Variants in ARHGAP30 observed in about 807,000 individuals in gnomAD.
ARHGAP30 encodes Rho GTPase activating protein 30.
ARHGAP30 carries 23 observed loss-of-function variants against 72.0 expected under a neutral mutation model. The observed-to-expected ratio is 0.32, with a 90% confidence interval of 0.23 to 0.45. The LOEUF is 0.45. ARHGAP30 is among the 20% of genes least tolerant of loss of function. The pLI, the probability that ARHGAP30 is intolerant of heterozygous loss-of-function variation, is 1.00. For missense variants in ARHGAP30, 1,319 were observed against 1,383.4 expected, an observed-to-expected ratio of 0.95 and a Z score of 0.74; for synonymous variants, 576 against 528.2, an observed-to-expected ratio of 1.09 and a Z score of -1.24.
Position 161,048,109 on chromosome 1 carries a change from A to G in ARHGAP30, c.2912T>C (p.Leu971Pro), listed in dbSNP as rs758788224. ...PANPCPRPGR[L>P]DGTPGERAWG... is the part of the protein sequence containing the mutation. ...AGCCCTTTCTCCAGGAGTCCCATCA[A>G]GCCGGCCAGGCCTCGGGCATGGATT... The change falls in exon 12 of 12, where the codon CTT (leucine) becomes CCT (proline). Residue 971 changes from leucine (L) to proline (P), a missense_variant. This residue lies in a region of ARHGAP30 where 1,097 missense variants were observed against 1,045.2 expected (regional missense o/e 1.05). Transcript: ENST00000368013. 14 of 1,614,204 alleles carry G rather than the reference A, an allele frequency of 8.7e-6. No homozygotes were observed. Among genetic ancestry groups the G allele is most frequent in the Non-Finnish European group, 1.2e-5 (14 of 1,180,032 alleles).
chr1:161,069,725 G>T lies in ARHGAP30; in HGVS notation c.-101C>A. 7.5e-7 allele frequency: 1 copy of T among 1,327,438 alleles called. No homozygotes were observed. The highest frequency in any genetic ancestry group is 1.1e-6 in the Non-Finnish European group (1 of 950,942). The allele number at this position is 1,327,438 out of a possible 1,614,324, so 82.2% of individuals were successfully genotyped here. On this transcript the variant is annotated 5_prime_UTR_variant, in exon 1 of 12. Coordinates refer to ENST00000368013, the MANE Select transcript of ARHGAP30 (RefSeq NM_001025598.2). The surrounding 1 kb of genome is among the most constrained non-coding windows in gnomAD (Gnocchi z 4.9). ...CCAGCCAGCTGCTGGGCTTGGCCCG[G>T]CCCCAGGGGGGCAGGGCTCCCAATT...
chr1:161,064,749 AAGAAAGAAAG>A (rs984706632), intron 1 of ARHGAP30, among the ~76,000 whole-genome samples: 2 of 146,036 alleles, frequency 1.4e-5, no homozygotes, highest in African/African-American at 2.5e-5. Flanking sequence ...AGAGTAAGAC[AAGAAAGAAAG>A]AGAAAGAAAG....
At position 161,064,861 on chromosome 1, in the gene ARHGAP30, G is replaced by A. The variant is rs58519656; in HGVS notation, c.97+4667C>T. ...AGAAAGAAAGAAAGGAAAGGAAGGA[G>A]AGGAAGGAGAGGAAGGAGAGAAAAG... On this transcript the variant is annotated intron_variant, in intron 1 of 11. Transcript: ENST00000368013. Among the ~76,000 whole-genome samples, 674 of 93,044 alleles carry A rather than the reference G, an allele frequency of 7.2e-3. 5 individuals carry two copies. The highest frequency in any genetic ancestry group is 0.014 in the Middle Eastern group (2 of 144). The allele number at this position is 93,044 out of a possible 152,430, so 61.0% of individuals were successfully genotyped here. A position where few individuals can be genotyped will look rare whatever the true frequency, so the allele number is the denominator to read the frequency against.
intron 4 of ARHGAP30, 50 bp downstream of exon 4, chr1:161,054,573 G>T: frequency 1.2e-6 from 2 of 1,605,226 alleles, no homozygotes; most frequent in Non-Finnish European, 1.7e-6. Flanking sequence ...TCCAGGCAGC[G>T]AGTGAATGAG....
intron 5 of ARHGAP30, 85 bp downstream of exon 5, chr1:161,054,279 CCA>C: frequency 1.6e-6 from 2 of 1,233,882 alleles, no homozygotes; most frequent in South Asian, 2.6e-5. Flanking sequence ...TCCAGTGTAC[CCA>C]CACAGTCACA....
intron 6 of ARHGAP30, 78 bp from the exon 7 acceptor site, chr1:161,052,875 C>G (rs1306468738): frequency 3.9e-6 from 6 of 1,524,048 alleles, no homozygotes; most frequent in Non-Finnish European, 3.6e-6. Context: ...TTCATCACCC[C>G]TCGCCAACTA....
chr1:161,063,226 G>C (rs1214369197), intron 1 of ARHGAP30, among the ~76,000 whole-genome samples: 1 of 152,242 alleles, frequency 6.6e-6, no homozygotes, highest in African/African-American at 2.4e-5. Flanking sequence ...TGTTGAAACA[G>C]AGCAGATGCT....
At chr1:161,064,825 AAGAAAGAGAAAG>A (rs768880158) in intron 1 of ARHGAP30, among the ~76,000 whole-genome samples, 2 of 56,620 alleles carry the variant, frequency 3.5e-5, no homozygotes, top group Non-Finnish European at 6.7e-5. Flanking sequence ...GAAAGAAAGA[AAGAAAGAGAAAG>A]AAAGAAAGAA....
rs78943948 is a variant in ARHGAP30, at chr1:161,052,567, T to C, written c.837-24A>G. The C allele has an allele frequency of 8.7e-4, 1,397 of 1,613,924 alleles. 7 individuals are homozygous for C. The African/African-American group carries it at 0.016, about 19-fold the overall frequency. ...TCCTACAAAGAATGGAGGGGCATAA[T>C]TGGAGGTTGGAACATGAAGGTCGGT... On this transcript the variant is annotated intron_variant, in intron 7 of 11. Coordinates refer to ENST00000368013, the MANE Select transcript of ARHGAP30 (RefSeq NM_001025598.2).
chr1:161,052,022 C>A (rs1373674544), intron 9 of ARHGAP30, among the ~76,000 whole-genome samples: 6 of 112,114 alleles, frequency 5.4e-5, no homozygotes, highest in Admixed American at 9.2e-5. Flanking sequence ...CCACCACCAC[C>A]ACCACCACCA....
chr1:161,049,049 C>G lies in ARHGAP30; in HGVS notation c.1972G>C (p.Gly658Arg). ...GGEEQACWEVGEDKQAEPGGR... is the reference protein window; with the variant it reads ...GGEEQACWEVREDKQAEPGGR... ...CCAGGCTCAGCCTGCTTGTCCTCCC[C>G]AACTTCCCAGCATGCCTGCTCTTCC... Residue 658 changes from glycine (G) to arginine (R), a missense_variant, in exon 12 of 12, where the codon GGG becomes CGG. This residue lies in a region of ARHGAP30 where 1,097 missense variants were observed against 1,045.2 expected (regional missense o/e 1.05). Transcript: ENST00000368013. 6.2e-7 allele frequency: 1 copy of G among 1,614,148 alleles called. No individual in the cohort carries two copies. Among genetic ancestry groups the G allele is most frequent in the Non-Finnish European group, 8.5e-7 (1 of 1,180,024 alleles).
chr1:161,051,547 A>G lies in ARHGAP30; in HGVS notation c.1187T>C (p.Ile396Thr), dbSNP rs761720445. 31 of 1,614,142 alleles carry G rather than the reference A, an allele frequency of 1.9e-5. No individual in the cohort carries two copies. Among genetic ancestry groups the G allele is most frequent in the African/African-American group, 2.7e-5 (2 of 75,066 alleles). Reference sequence around the variant, plus strand: ...TGCACGGCTGCTGCCCCCAGCCCGGATGGCTGACCGCCCAGCTCGTGGTGT... The same window carrying G: ...TGCACGGCTGCTGCCCCCAGCCCGGGTGGCTGACCGCCCAGCTCGTGGTGT... ...PGTPRAGRSAIRAGGSSRAER... is the reference protein window; with the variant it reads ...PGTPRAGRSATRAGGSSRAER... Residue 396 changes from isoleucine to threonine, a missense_variant, in exon 10 of 12, where the codon ATC (isoleucine) becomes ACC (threonine). Around this residue, in one of 2 missense-constraint regions of ARHGAP30, gnomAD observed 1,097 missense variants for 1,045.2 expected, o/e 1.05. Transcript: ENST00000368013.
At chr1:161,053,452 A>G in intron 5 of ARHGAP30, 67 bp from the exon 6 acceptor site, 2 of 1,425,776 alleles carry the variant, frequency 1.4e-6, no homozygotes, top group Non-Finnish European at 1.9e-6. Flanking sequence ...TTCTCCCTGA[A>G]AATACCTTAT....
At chr1:161,057,383 C>G (rs1394552635) in intron 2 of ARHGAP30, among the ~76,000 whole-genome samples, 2 of 152,082 alleles carry the variant, frequency 1.3e-5, no homozygotes, top group East Asian at 3.9e-4. Flanking sequence ...AAAAAATGGG[C>G]AAAGGGTTTG....
intron 1 of ARHGAP30, among the ~76,000 whole-genome samples, chr1:161,062,017 G>C (rs575383092): frequency 6.6e-6 from 1 of 152,240 alleles, no homozygotes; most frequent in South Asian, 2.1e-4. Flanking sequence ...GAACCCGGGA[G>C]GTGGAGGTTG....
Position 161,052,350 on chromosome 1 carries a change from G to C in ARHGAP30, c.954C>G (p.Asn318Lys), listed in dbSNP as rs771759448. The C allele has an allele frequency of 2.9e-5, 46 of 1,613,874 alleles. No individual in the cohort carries two copies. The highest frequency in any genetic ancestry group is 3.9e-5 in the Non-Finnish European group (46 of 1,180,038). ...TTTTGGCTGGCCGCAGTGTCCCCTT[G>C]TTGGATTTATCCTCTGTAAGACAGG... ...RGAEDREDKS[N>K]KGTLRPAKSM... Residue 318 changes from asparagine (N) to lysine (K), a missense_variant, in exon 9 of 12, where the codon AAC (asparagine) becomes AAG (lysine). Around this residue, in one of 2 missense-constraint regions of ARHGAP30, gnomAD observed 1,097 missense variants for 1,045.2 expected, o/e 1.05. Coordinates refer to ENST00000368013, the MANE Select transcript of ARHGAP30 (RefSeq NM_001025598.2).
intron 5 of ARHGAP30, among the ~76,000 whole-genome samples, chr1:161,053,767 C>T (rs530908812): frequency 6.6e-6 from 1 of 152,296 alleles, no homozygotes; most frequent in East Asian, 1.9e-4. Context: ...TTTTGCTCAA[C>T]AAACATTTGG....
At chr1:161,055,895 TA>T (rs370603133) in intron 3 of ARHGAP30, among the ~76,000 whole-genome samples, 29 of 37,210 alleles carry the variant, frequency 7.8e-4, no homozygotes, top group Middle Eastern at 0.026. Context: ...ATAAATAAAA[TA>T]AAATAAAATA....
At position 161,069,871 on chromosome 1, in the gene ARHGAP30, T is replaced by C; in HGVS notation, c.-247A>G. ...CTGGCAAGAAATTGTGTCCTGTGTC[T>C]CGTGGCCCAGCCTGGCACTCGCCCT... On this transcript the variant is annotated 5_prime_UTR_variant, in exon 1 of 12. Coordinates refer to ENST00000368013, the MANE Select transcript of ARHGAP30 (RefSeq NM_001025598.2). The surrounding 1 kb of genome is among the most constrained non-coding windows in gnomAD (Gnocchi z 4.9). The C allele has an allele frequency of 1.8e-6, 1 of 554,064 alleles. No homozygotes were observed. Among genetic ancestry groups the C allele is most frequent in the South Asian group, 2.2e-5 (1 of 46,228 alleles). 34.3% of individuals were successfully genotyped at this position (554,064 alleles called of 1,614,324 possible).
Sources: allele counts gnomAD v4.1 joint callset (sites outside exome capture counted in the v4.1 genomes callset), GRCh38; gene constraint gnomAD v4.1.1; regional missense constraint gnomAD v4.1.1; non-coding constraint Gnocchi (gnomAD v3.1); transcripts MANE v1.5; gene names NCBI Gene and HGNC (gene_info 2026-07-23, HGNC 2026-07-21).